The following SNX29 variants were observed in gnomAD, a reference collection of about 807,000 sequenced individuals.
SNX29 encodes the protein sorting nexin 29, also known as sorting nexin-29.
SNX29 carries 78 observed loss-of-function variants against 102.1 expected under a neutral mutation model. The ratio of observed to expected loss-of-function variants is 0.76; its 90% CI spans 0.64 to 0.92. SNX29 has a LOEUF of 0.92. Ranked by LOEUF, SNX29 falls within the 40% of genes least tolerant of loss-of-function variation. The pLI is 0.00. For missense variants in SNX29, 1,280 were observed against 1,061.7 expected, an observed-to-expected ratio of 1.21 and a Z score of -2.86; for synonymous variants, 580 against 414.5, an observed-to-expected ratio of 1.40 and a Z score of -4.85.
At chr16:12,113,284 G>A (rs144167870) in intron 11 of SNX29, among the ~76,000 whole-genome samples, 15 of 152,256 alleles carry the variant, frequency 9.9e-5, no homozygotes, top group Non-Finnish European at 1.9e-4. Context: ...TTTCAGAGGT[G>A]GGGAAACTGA....
chr16:12,378,597 C>T (rs1223320674), intron 16 of SNX29, among the ~76,000 whole-genome samples: 1 of 152,216 alleles, frequency 6.6e-6, no homozygotes, highest in African/African-American at 2.4e-5. Context: ...TGCAGTGAGC[C>T]GAGAGGGCTC....
At chr16:12,518,217 G>C (rs980979387) in intron 19 of SNX29, among the ~76,000 whole-genome samples, 1 of 152,114 alleles carries the variant, frequency 6.6e-6, no homozygotes, top group Admixed American at 6.5e-5. Context: ...CCCCAGCATT[G>C]CTTCTCAGTG....
chr16:12,253,797 A>G (rs1484812409), intron 14 of SNX29, among the ~76,000 whole-genome samples: 1 of 152,092 alleles, frequency 6.6e-6, no homozygotes, highest in African/African-American at 2.4e-5. Flanking sequence ...CCTCTGAGTT[A>G]GGGTTTTGGA....
chr16:12,396,846 T>G (rs757648716), intron 16 of SNX29, among the ~76,000 whole-genome samples: 15 of 152,348 alleles, frequency 9.8e-5, no homozygotes, highest in Non-Finnish European at 2.1e-4. Context: ...GGTTATGCAG[T>G]TAATACGTCT....
chr16:12,563,697 T>G (rs939363378), intron 20 of SNX29, among the ~76,000 whole-genome samples: 10 of 152,180 alleles, frequency 6.6e-5, no homozygotes, highest in East Asian at 1.9e-4. Flanking sequence ...TGGCCTCATG[T>G]AAGAGGAACA....
At chr16:12,568,043 G>A (rs1386678189) in intron 20 of SNX29, among the ~76,000 whole-genome samples, 4 of 152,038 alleles carry the variant, frequency 2.6e-5, no homozygotes, top group African/African-American at 9.7e-5. Context: ...CCTAGCCTAG[G>A]GCCTGATTAT....
intron 15 of SNX29, among the ~76,000 whole-genome samples, chr16:12,348,920 C>G (rs2081910053): frequency 6.6e-6 from 1 of 152,114 alleles, no homozygotes; most frequent in Admixed American, 6.5e-5. Flanking sequence ...CAGGGAGTGC[C>G]CCCTGAGTCT....
rs2053246562 is a variant in SNX29 at position 12,106,455 on chromosome 16, C to CGGCCCCCTCCTT, written c.1403-20177_1403-20166dup. ...CAGAGCGGAGATAAGGCCCCCTCCT[C>CGGCCCCCTCCTT]GGCCCCCTCCTTTTCTGCTGCTGCT... is the stretch of plus-strand genomic sequence containing the variant. On this transcript the variant is annotated intron_variant, in intron 11 of 20. Coordinates refer to ENST00000566228, the MANE Select transcript of SNX29 (RefSeq NM_032167.5). Among the ~76,000 whole-genome samples the CGGCCCCCTCCTT allele has an allele frequency of 3.9e-5, 6 of 152,118 alleles. No homozygotes were observed. In the South Asian group the frequency reaches 1.3e-3, roughly 32 times the overall value.
At chr16:12,037,141 T>A (rs2057498573) in intron 4 of SNX29, among the ~76,000 whole-genome samples, 1 of 152,014 alleles carries the variant, frequency 6.6e-6, no homozygotes, top group African/African-American at 2.4e-5. Context: ...TCCTTACGGG[T>A]CATATTATAG....
intron 14 of SNX29, among the ~76,000 whole-genome samples, chr16:12,209,638 C>G (rs1380797769): frequency 6.6e-6 from 1 of 152,158 alleles, no homozygotes; most frequent in Non-Finnish European, 1.5e-5. Context: ...CCTGGGCCAC[C>G]AGCTGCGTGT....
chr16:12,267,245 A>AGTGTGTGTGTGT (rs59796551), intron 14 of SNX29, among the ~76,000 whole-genome samples: 87 of 150,670 alleles, frequency 5.8e-4, no homozygotes, highest in African/African-American at 9.3e-4. Flanking sequence ...CATGGGTGCG[A>AGTGTGTGTGTGT]GTGTGTGTGT....
intron 14 of SNX29, among the ~76,000 whole-genome samples, chr16:12,274,475 TTA>T (rs1348022627): frequency 1.3e-5 from 2 of 152,150 alleles, no homozygotes; most frequent in African/African-American, 4.8e-5. Flanking sequence ...CTTCTGTGTG[TTA>T]TCTTTTTCTC....
chr16:12,550,090 C>A (rs143471966), intron 20 of SNX29, among the ~76,000 whole-genome samples: 21 of 152,194 alleles, frequency 1.4e-4, no homozygotes, highest in Admixed American at 5.9e-4. Flanking sequence ...GTTTGCCAAC[C>A]TATGGGCTAG....
At chr16:12,217,857 G>C (rs560454942) in intron 14 of SNX29, among the ~76,000 whole-genome samples, 1 of 152,330 alleles carries the variant, frequency 6.6e-6, no homozygotes, top group Admixed American at 6.5e-5. Context: ...ATAAAACGTG[G>C]ATGGTAACTG....
intron 7 of SNX29, among the ~76,000 whole-genome samples, chr16:12,051,003 G>A (rs925444238): frequency 6.6e-6 from 1 of 151,992 alleles, no homozygotes; most frequent in Non-Finnish European, 1.5e-5. Flanking sequence ...TTATAGGCGT[G>A]AGCCACCGCG....
intron 13 of SNX29, among the ~76,000 whole-genome samples, chr16:12,161,243 G>A (rs890926212): frequency 9.2e-5 from 14 of 152,194 alleles, no homozygotes; most frequent in African/African-American, 3.4e-4. Flanking sequence ...GATGGGCTGC[G>A]TTTTCCCCTC....
chr16:12,426,399 C>A (rs190775292), intron 18 of SNX29, among the ~76,000 whole-genome samples: 2 of 152,112 alleles, frequency 1.3e-5, no homozygotes, highest in Admixed American at 6.6e-5. Context: ...AGAAGTGACA[C>A]GTCACTCCCT....
chr16:12,481,513 GACACACACACAC>G (rs59650769), intron 19 of SNX29, among the ~76,000 whole-genome samples: 2,593 of 125,644 alleles, frequency 0.021, 38 homozygotes, highest in Middle Eastern at 0.031. Flanking sequence ...TATACATATA[GACACACACACAC>G]ACACACACAC....
In SNX29 at chr16:12,569,702, A is replaced by G; in HGVS notation, c.*1073A>G. The G allele has an allele frequency of 4.3e-6, 1 of 230,522 alleles. No individual in the cohort carries two copies. The highest frequency in any genetic ancestry group is 8.6e-6 in the Non-Finnish European group (1 of 116,408). The allele number at this position is 230,522 out of a possible 1,614,324, so 14.3% of individuals were successfully genotyped here. A position where few individuals can be genotyped will look rare whatever the true frequency, so the allele number is the denominator to read the frequency against. On this transcript the variant is annotated 3_prime_UTR_variant, in exon 21 of 21. Coordinates refer to ENST00000566228, the MANE Select transcript of SNX29 (RefSeq NM_032167.5). ...AGTACAGGGACCTTGGCAGGTGGAGAGGAGGATGGGGACCAGCAGCTGGGC... is the reference window on the plus strand; with the variant it reads ...AGTACAGGGACCTTGGCAGGTGGAGGGGAGGATGGGGACCAGCAGCTGGGC...
Sources: gnomAD v4.1 joint callset for allele counts (sites outside exome capture counted in the v4.1 genomes callset) on GRCh38, gnomAD v4.1.1 for gene constraint, MANE v1.5 for transcripts, NCBI Gene and HGNC (gene_info 2026-07-23, HGNC 2026-07-21) for gene names.